Variants in ERC2 observed in about 807,000 individuals in gnomAD.
ERC2 encodes ELKS/RAB6-interacting/CAST family member 2.
Under a neutral mutation model 114.8 loss-of-function variants are expected in ERC2, and 42 were observed. The observed-to-expected ratio is 0.37, with a 90% CI of 0.29 to 0.47. The LOEUF is 0.47. Ranked by LOEUF, ERC2 falls within the 20% of genes least tolerant of loss-of-function variation. The pLI is 0.99. For missense variants in ERC2, 939 were observed against 1,150.7 expected (o/e 0.82, Z 2.66); for synonymous variants, 454 against 425.5 (o/e 1.07, Z -0.82).
intron 8 of ERC2, among the ~76,000 whole-genome samples, chr3:56,011,726 G>T (rs575877383): frequency 6.6e-6 from 1 of 151,850 alleles, no homozygotes; most frequent in Admixed American, 6.6e-5. Flanking sequence ...ACTTCCTCTC[G>T]GATGGCCATG....
rs370680919 is a variant in ERC2 at position 56,105,342 on chromosome 3, T to C, written c.1474-24358A>G. Among the ~76,000 whole-genome samples, 41 of 151,908 alleles carry C rather than the reference T, an allele frequency of 2.7e-4. 1 individual carries two copies. The highest frequency in any genetic ancestry group is 1.2e-3 in the Admixed American group (19 of 15,280). On this transcript the variant is annotated intron_variant, in intron 6 of 17. Transcript: ENST00000288221. The stretch of plus-strand genomic sequence containing the variant: ...TTTTTTAAGACAGGATCTTGCTCTG[T>C]TGCCCAAGCTAGAGTACATGGTGTG...
intron 17 of ERC2, among the ~76,000 whole-genome samples, chr3:55,563,444 C>A (rs1424215062): frequency 6.6e-6 from 1 of 151,580 alleles, no homozygotes; most frequent in Non-Finnish European, 1.5e-5. Context: ...TAACTTACTT[C>A]TTCCCAGCCC....
At chr3:55,802,723 C>A (rs1331302264) in intron 14 of ERC2, among the ~76,000 whole-genome samples, 1 of 152,126 alleles carries the variant, frequency 6.6e-6, no homozygotes, top group Non-Finnish European at 1.5e-5. Context: ...CTTGGAATAA[C>A]CCAAGTTAGT....
At position 56,099,946 on chromosome 3, in the gene ERC2, A is replaced by G. The variant is rs188099860; in HGVS notation, c.1474-18962T>C. Among the ~76,000 whole-genome samples the G allele has an allele frequency of 2.8e-3, 422 of 152,254 alleles. 2 individuals carry two copies. The highest frequency in any genetic ancestry group is 4.8e-3 in the Non-Finnish European group (329 of 68,012). ...GCTACATGGAATCCCAGCCTTCCCA[A>G]AAGTCTTTCCAGAGAACCAGCTCTA... On this transcript the variant is annotated intron_variant, in intron 6 of 17. Transcript: ENST00000288221.
intron 14 of ERC2, among the ~76,000 whole-genome samples, chr3:55,797,754 T>C (rs1055157317): frequency 2.2e-4 from 34 of 152,232 alleles, no homozygotes; most frequent in Middle Eastern, 6.3e-3. Flanking sequence ...AAGTGTGTAT[T>C]GCATATTGAA....
chr3:56,301,763 T>C (rs1387197640), intron 2 of ERC2, among the ~76,000 whole-genome samples: 1 of 152,102 alleles, frequency 6.6e-6, no homozygotes, highest in Non-Finnish European at 1.5e-5. Flanking sequence ...ACATAGACAA[T>C]TTCAATTATA....
intron 6 of ERC2, among the ~76,000 whole-genome samples, chr3:56,112,113 T>C (rs2078993267): frequency 2.0e-5 from 3 of 152,210 alleles, no homozygotes; most frequent in African/African-American, 7.2e-5. Flanking sequence ...TGCATTTTTA[T>C]GCTAAACAGT....
At chr3:55,842,071 C>T (rs1221323407) in intron 14 of ERC2, among the ~76,000 whole-genome samples, 1 of 152,066 alleles carries the variant, frequency 6.6e-6, no homozygotes, top group East Asian at 1.9e-4. Flanking sequence ...AGTGAAGTAA[C>T]TTAAGTTAAC....
intron 3 of ERC2, among the ~76,000 whole-genome samples, chr3:56,276,023 G>A (rs2053966933): frequency 1.3e-5 from 2 of 152,152 alleles, no homozygotes; most frequent in Admixed American, 1.3e-4. Flanking sequence ...CTGTAGATTT[G>A]CAAACTTGCA....
At chr3:55,899,815 T>C (rs978177801) in intron 13 of ERC2, among the ~76,000 whole-genome samples, 2 of 152,236 alleles carry the variant, frequency 1.3e-5, no homozygotes, top group East Asian at 1.9e-4. Context: ...TACTCTATTA[T>C]ATATTTCTTT....
chr3:55,863,138 T>G (rs2062100848), intron 14 of ERC2, among the ~76,000 whole-genome samples: 1 of 152,144 alleles, frequency 6.6e-6, no homozygotes, highest in South Asian at 2.1e-4. Context: ...CAGTTCAAAC[T>G]GTCAGCGCCA....
intron 1 of ERC2, among the ~76,000 whole-genome samples, chr3:56,438,199 T>C (rs2062115606): frequency 6.6e-6 from 1 of 152,180 alleles, no homozygotes; most frequent in African/African-American, 2.4e-5. Flanking sequence ...GCCTCCCAGA[T>C]AGTGTCAAGG....
chr3:55,631,139 C>A (rs940038087), intron 17 of ERC2, among the ~76,000 whole-genome samples: 2 of 151,434 alleles, frequency 1.3e-5, no homozygotes, highest in Admixed American at 1.3e-4. Context: ...CACCACATTG[C>A]GAGTAAATTA....
intron 2 of ERC2, among the ~76,000 whole-genome samples, chr3:56,303,171 T>C (rs117037235): frequency 0.02 from 3,106 of 152,322 alleles, 42 homozygotes; most frequent in South Asian, 0.063. Flanking sequence ...ACTGTGACAA[T>C]GGGAATCCAG....
At chr3:56,235,879 T>A (rs1447693490) in intron 3 of ERC2, among the ~76,000 whole-genome samples, 1 of 152,212 alleles carries the variant, frequency 6.6e-6, no homozygotes, top group Non-Finnish European at 1.5e-5. Flanking sequence ...AGTTCTGCTG[T>A]CAACAATCCC....
At chr3:55,559,844 A>G (rs1360375377) in intron 17 of ERC2, among the ~76,000 whole-genome samples, 1 of 152,244 alleles carries the variant, frequency 6.6e-6, no homozygotes, top group Non-Finnish European at 1.5e-5. Context: ...AGGCAAGACC[A>G]TATTTCACGC....
chr3:55,957,712 T>A (rs1222316755), intron 12 of ERC2, among the ~76,000 whole-genome samples: 4 of 152,140 alleles, frequency 2.6e-5, no homozygotes, highest in Non-Finnish European at 4.4e-5. Flanking sequence ...CAGCCAGGTG[T>A]TCCAGCTGCA....
chr3:55,891,734 C>T (rs927879217), intron 13 of ERC2, among the ~76,000 whole-genome samples: 4 of 152,132 alleles, frequency 2.6e-5, no homozygotes, highest in African/African-American at 9.7e-5. Flanking sequence ...CATGAGCCAA[C>T]TGTCTGATTC....
chr3:56,427,098 G>A (rs1315986450), intron 2 of ERC2, among the ~76,000 whole-genome samples: 4 of 151,338 alleles, frequency 2.6e-5, no homozygotes, highest in African/African-American at 9.7e-5. Context: ...GGAGGTAAAG[G>A]TTGCAGTGAG....
Sources: gnomAD v4.1 joint callset for allele counts (sites outside exome capture counted in the v4.1 genomes callset) on GRCh38, gnomAD v4.1.1 for gene constraint, MANE v1.5 for transcripts, NCBI Gene and HGNC (gene_info 2026-07-23, HGNC 2026-07-21) for gene names.